Variants in ARID5B observed in about 807,000 individuals in gnomAD.
ARID5B encodes the protein AT-rich interaction domain 5B.
Under a neutral mutation model 97.2 loss-of-function variants are expected in ARID5B, and 13 were observed. The ratio of observed to expected loss-of-function variants is 0.13; its 90% CI spans 0.09 to 0.21. The LOEUF (loss-of-function observed/expected upper bound fraction) is 0.21, where lower values mean the gene tolerates loss of function less well. Ranked by LOEUF, ARID5B falls within the 10% of genes least tolerant of loss-of-function variation. The pLI is 1.00. For missense variants in ARID5B, 1,210 were observed against 1,465.3 expected, an observed-to-expected ratio of 0.83 and a Z score of 2.84; for synonymous variants, 556 against 570.3, an observed-to-expected ratio of 0.97 and a Z score of 0.36.
intron 3 of ARID5B, among the ~76,000 whole-genome samples, chr10:61,956,990 A>T (rs1270375763): frequency 6.6e-6 from 1 of 152,130 alleles, no homozygotes; most frequent in African/African-American, 2.4e-5. Flanking sequence ...TGCAGCCTCA[A>T]CCGCTTCCAG....
At chr10:62,057,994 T>A (rs1312519113) in intron 6 of ARID5B, among the ~76,000 whole-genome samples, 1 of 152,226 alleles carries the variant, frequency 6.6e-6, no homozygotes, top group African/African-American at 2.4e-5. Context: ...CTGGATTTAG[T>A]GGTGCACAAA....
intron 9 of ARID5B, among the ~76,000 whole-genome samples, chr10:62,090,069 C>T (rs1355743031): frequency 6.6e-6 from 1 of 152,150 alleles, no homozygotes; most frequent in East Asian, 1.9e-4. Flanking sequence ...AGTAGGGTCA[C>T]ATAAGGAGTG....
intron 3 of ARID5B, among the ~76,000 whole-genome samples, chr10:61,996,699 T>A (rs1839001437): frequency 6.6e-6 from 1 of 152,124 alleles, no homozygotes; most frequent in African/African-American, 2.4e-5. Flanking sequence ...TAATACTTGC[T>A]TTCTAAATGG....
In ARID5B at chr10:62,095,302, AAAGGAAACTTCGGTGGTTCTGCAGCAG is replaced by A. The variant is rs1179115427; in HGVS notation, c.*2274_*2300del. ...CACAGAATCGGAGGACATGGAAGAAAAAGGAAACTTCGGTGGTTCTGCAGCAGACATGGGCTAGGTCATATGTGGTTT... is the reference window on the plus strand; with the variant it reads ...CACAGAATCGGAGGACATGGAAGAAAACATGGGCTAGGTCATATGTGGTTT... On this transcript the variant is annotated 3_prime_UTR_variant, in exon 10 of 10. Transcript: ENST00000279873. 1 of 233,500 alleles carries A rather than the reference AAAGGAAACTTCGGTGGTTCTGCAGCAG, an allele frequency of 4.3e-6. No individual in the cohort carries two copies. The highest frequency in any genetic ancestry group is 2.2e-5 in the African/African-American group (1 of 45,322). The allele number at this position is 233,500 out of a possible 1,614,324, so 14.5% of individuals were successfully genotyped here.
At chr10:61,902,548 C>T in intron 2 of ARID5B, 135 bp downstream of exon 2, 1 of 1,242,320 alleles carries the variant, frequency 8.0e-7, no homozygotes. Context: ...AAAGGGGTAG[C>T]GCCACTAGCT....
chr10:61,952,288 G>A (rs758523636), intron 3 of ARID5B, among the ~76,000 whole-genome samples: 2 of 152,118 alleles, frequency 1.3e-5, no homozygotes, highest in South Asian at 2.1e-4. Flanking sequence ...TCTGCCTTTC[G>A]TTTAAGACTT....
intron 2 of ARID5B, among the ~76,000 whole-genome samples, chr10:61,925,330 A>G (rs1844085225): frequency 6.6e-6 from 1 of 152,136 alleles, no homozygotes; most frequent in African/African-American, 2.4e-5. Context: ...GTTCTTACAT[A>G]TGGCTTAACT....
intron 3 of ARID5B, among the ~76,000 whole-genome samples, chr10:61,964,534 A>G (rs963227861): frequency 6.6e-6 from 1 of 152,216 alleles, no homozygotes; most frequent in Non-Finnish European, 1.5e-5. Flanking sequence ...ACATAGTTTC[A>G]TATTTATACT....
rs1177275234 is a variant in ARID5B at position 62,093,738 on chromosome 10, A to G, written c.*708A>G. On this transcript the variant is annotated 3_prime_UTR_variant, in exon 10 of 10. Coordinates refer to ENST00000279873, the MANE Select transcript of ARID5B (RefSeq NM_032199.3). Reference sequence around the variant, plus strand: ...TGTTTTTGTTTTGTTTTTGAGGCTGACTGACTGTCCTAGTTGTTGTGTGTT... The same window carrying G: ...TGTTTTTGTTTTGTTTTTGAGGCTGGCTGACTGTCCTAGTTGTTGTGTGTT... 1 of 213,036 alleles carries G rather than the reference A, an allele frequency of 4.7e-6. No homozygotes were observed. The highest frequency in any genetic ancestry group is 6.5e-5 in the East Asian group (1 of 15,480). The allele number at this position is 213,036 out of a possible 1,614,324, so 13.2% of individuals were successfully genotyped here.
intron 2 of ARID5B, among the ~76,000 whole-genome samples, chr10:61,939,476 T>G (rs1046473085): frequency 6.6e-5 from 10 of 152,218 alleles, no homozygotes; most frequent in African/African-American, 2.4e-4. Flanking sequence ...ACTACTTTTC[T>G]TAAATTCAAA....
chr10:61,962,199 G>A (rs1838481340), intron 3 of ARID5B, among the ~76,000 whole-genome samples: 1 of 152,212 alleles, frequency 6.6e-6, no homozygotes, highest in Non-Finnish European at 1.5e-5. Context: ...CGCCAAAGGT[G>A]ATTTGCCAAG....
chr10:61,957,494 C>T (rs924557905), intron 3 of ARID5B, among the ~76,000 whole-genome samples: 1 of 152,214 alleles, frequency 6.6e-6, no homozygotes, highest in African/African-American at 2.4e-5. Flanking sequence ...GTCTCGAACT[C>T]GTGGCCTCAG....
At chr10:62,079,346 AG>A (rs774346696) in intron 8 of ARID5B, among the ~76,000 whole-genome samples, 10 of 152,232 alleles carry the variant, frequency 6.6e-5, no homozygotes, top group Non-Finnish European at 8.8e-5. Flanking sequence ...TCTGAACCTC[AG>A]TTTTGTCATC....
intron 4 of ARID5B, among the ~76,000 whole-genome samples, chr10:62,005,492 A>G (rs1839134892): frequency 6.6e-6 from 1 of 152,222 alleles, no homozygotes; most frequent in South Asian, 2.1e-4. Flanking sequence ...AAGGAACCCA[A>G]TTCCCTAAGG....
chr10:61,930,454 C>T (rs1844184686), intron 2 of ARID5B, among the ~76,000 whole-genome samples: 1 of 152,118 alleles, frequency 6.6e-6, no homozygotes, highest in African/African-American at 2.4e-5. Flanking sequence ...GGTGCGGTGG[C>T]TCACACCTGT....
chr10:61,911,993 C>A (rs1160685740), intron 2 of ARID5B, among the ~76,000 whole-genome samples: 2 of 152,156 alleles, frequency 1.3e-5, no homozygotes, highest in Non-Finnish European at 2.9e-5. Context: ...AGGAGTTAGA[C>A]AGCTTGATAT....
chr10:62,035,821 G>C (rs1839556282), intron 4 of ARID5B, among the ~76,000 whole-genome samples: 1 of 151,060 alleles, frequency 6.6e-6, no homozygotes, highest in Non-Finnish European at 1.5e-5. Context: ...GTTTTGTTTT[G>C]TTTTGTTTTG....
At chr10:62,080,861 C>A (rs1249606309) in intron 8 of ARID5B, among the ~76,000 whole-genome samples, 2 of 151,576 alleles carry the variant, frequency 1.3e-5, no homozygotes, top group Admixed American at 1.3e-4. Context: ...CTCACTCTGT[C>A]ACCCAGGCTG....
At chr10:61,958,390 G>C (rs534508277) in intron 3 of ARID5B, among the ~76,000 whole-genome samples, 7 of 152,130 alleles carry the variant, frequency 4.6e-5, no homozygotes, top group Admixed American at 4.6e-4. Context: ...CACCGCGCCC[G>C]GCTAATTTTT....
Sources: gnomAD v4.1 joint callset for allele counts (sites outside exome capture counted in the v4.1 genomes callset) on GRCh38, gnomAD v4.1.1 for gene constraint, MANE v1.5 for transcripts, NCBI Gene and HGNC (gene_info 2026-07-23, HGNC 2026-07-21) for gene names.